Variants in TGIF2 observed in about 807,000 individuals in gnomAD.
TGIF2 encodes homeobox protein TGIF2.
In TGIF2, 5 loss-of-function variants were observed where a neutral mutation model predicts 15.1. The ratio of observed to expected loss-of-function variants is 0.33; its 90% confidence interval spans 0.17 to 0.70. TGIF2 has a LOEUF of 0.70. Among genes scored for constraint, TGIF2 ranks in the 30% least tolerant of loss-of-function variants. The pLI is 0.67. For synonymous variants in TGIF2, 131 were observed against 128.9 expected, an observed-to-expected ratio of 1.02 and a Z score of -0.11; for missense variants, 264 against 302.5, an observed-to-expected ratio of 0.87 and a Z score of 0.94.
chr20:36,577,065 T>C (rs1344745453), intron 1 of TGIF2, among the ~76,000 whole-genome samples: 1 of 152,124 alleles, frequency 6.6e-6, no homozygotes, highest in Non-Finnish European at 1.5e-5. Context: ...CAGGTTGACA[T>C]GCACTGGTGC....
At position 36,593,739 on chromosome 20, in the gene TGIF2, G is replaced by A. The variant is rs2038805574; in HGVS notation, c.*2308G>A. 6.6e-6 allele frequency: 1 copy of A among 152,632 alleles called. No homozygotes were observed. Among genetic ancestry groups the A allele is most frequent in the Non-Finnish European group, 1.5e-5 (1 of 68,084 alleles). 9.5% of individuals were successfully genotyped at this position (152,632 alleles called of 1,614,324 possible). On this transcript the variant is annotated 3_prime_UTR_variant, in exon 3 of 3. Coordinates refer to ENST00000373872, the MANE Select transcript of TGIF2 (RefSeq NM_021809.7). ...CACAGTGCACTGAGCAATGGAGGGT[G>A]GTGAGGGAGCCATGCTGCTGAATTC...
intron 2 of TGIF2, among the ~76,000 whole-genome samples, chr20:36,588,070 TAAAA>T (rs542114970): frequency 7.6e-6 from 1 of 131,902 alleles, no homozygotes. Context: ...ACCCTGTCTT[TAAAA>T]AAAAAAAAAA....
At position 36,578,983 on chromosome 20, in the gene TGIF2, G is replaced by A. The variant is rs772046300; in HGVS notation, c.192+17G>A. On this transcript the variant is annotated intron_variant, in intron 2 of 2. Coordinates refer to ENST00000373872, the MANE Select transcript of TGIF2 (RefSeq NM_021809.7). ...GTGCTGCAAGTAAGGAGGGGATCTG[G>A]ATAAGGGGGTGGCAGGAGGACCTGG... The A allele has an allele frequency of 6.2e-7, 1 of 1,609,004 alleles. No individual in the cohort carries two copies. Among genetic ancestry groups the A allele is most frequent in the Admixed American group, 1.7e-5 (1 of 59,536 alleles).
chr20:36,579,462 C>T (rs543119703), intron 2 of TGIF2, among the ~76,000 whole-genome samples: 10 of 152,216 alleles, frequency 6.6e-5, no homozygotes, highest in South Asian at 2.1e-4. Context: ...TGAGCCACCA[C>T]GCCTGGCCCA....
intron 2 of TGIF2, among the ~76,000 whole-genome samples, chr20:36,579,820 T>C (rs2038508408): frequency 6.6e-6 from 1 of 152,202 alleles, no homozygotes; most frequent in South Asian, 2.1e-4. Flanking sequence ...GATTCAGAAC[T>C]GGATGTGAAA....
At chr20:36,574,173 G>A (rs1473660206) in intron 1 of TGIF2, among the ~76,000 whole-genome samples, 1 of 152,054 alleles carries the variant, frequency 6.6e-6, no homozygotes, top group Non-Finnish European at 1.5e-5. Context: ...AGCTGGGGGT[G>A]GGGGCCGCGG....
At chr20:36,579,971 CG>C (rs1293876792) in intron 2 of TGIF2, among the ~76,000 whole-genome samples, 1 of 152,168 alleles carries the variant, frequency 6.6e-6, no homozygotes, top group Admixed American at 6.6e-5. Flanking sequence ...GGAGCAGAGG[CG>C]GGGGACCCTG....
chr20:36,580,303 T>C (rs1425551994), intron 2 of TGIF2, among the ~76,000 whole-genome samples: 1 of 152,186 alleles, frequency 6.6e-6, no homozygotes, highest in Non-Finnish European at 1.5e-5. Flanking sequence ...CACCTGACTT[T>C]ATACTCTGGG....
At chr20:36,587,170 C>G (rs1249713374) in intron 2 of TGIF2, among the ~76,000 whole-genome samples, 6 of 152,218 alleles carry the variant, frequency 3.9e-5, no homozygotes, top group African/African-American at 1.4e-4. Context: ...CTGGCAGCCA[C>G]TCAGTCCCCC....
chr20:36,584,381 G>A (rs2038609354), intron 2 of TGIF2, among the ~76,000 whole-genome samples: 2 of 152,160 alleles, frequency 1.3e-5, no homozygotes, highest in African/African-American at 4.8e-5. Flanking sequence ...ATAGTGCTTG[G>A]TATCTGGTAG....
chr20:36,588,391 A>C (rs1343115410), intron 2 of TGIF2, among the ~76,000 whole-genome samples: 1 of 85,882 alleles, frequency 1.2e-5, no homozygotes, highest in Non-Finnish European at 2.1e-5. Context: ...TTTGAGATGG[A>C]GTCTTGCTTT....
rs998173848 is a variant in TGIF2, at chr20:36,585,465, TAA to T, written c.193-5423_193-5422del. Among the ~76,000 whole-genome samples, 641 of 104,056 alleles carry T rather than the reference TAA, an allele frequency of 6.2e-3. 3 individuals carry two copies. The highest frequency in any genetic ancestry group is 0.022 in the African/African-American group (610 of 27,534). The allele number at this position is 104,056 out of a possible 152,430, so 68.3% of individuals were successfully genotyped here. On this transcript the variant is annotated intron_variant, in intron 2 of 2. Coordinates refer to ENST00000373872, the MANE Select transcript of TGIF2 (RefSeq NM_021809.7). The stretch of plus-strand genomic sequence containing the variant: ...GGTCTACAGAACGGGACTCTGTCTT[TAA>T]AAAAAAAAAAAAAAAAAAAAACTCC...
chr20:36,574,088 T>A (rs1158458273), intron 1 of TGIF2, among the ~76,000 whole-genome samples: 1 of 150,378 alleles, frequency 6.6e-6, no homozygotes, highest in African/African-American at 2.4e-5. Flanking sequence ...TTTGTTTGGT[T>A]TCAAAAGTGC....
intron 2 of TGIF2, among the ~76,000 whole-genome samples, chr20:36,583,040 C>A (rs1048616384): frequency 6.6e-6 from 1 of 152,178 alleles, no homozygotes; most frequent in East Asian, 1.9e-4. Context: ...CTTTGGGAGG[C>A]TGAGGCAGGC....
At chr20:36,587,034 A>G (rs556469632) in intron 2 of TGIF2, among the ~76,000 whole-genome samples, 1 of 152,102 alleles carries the variant, frequency 6.6e-6, no homozygotes, top group South Asian at 2.1e-4. Flanking sequence ...TTTGCCATAT[A>G]CATCACAGAG....
chr20:36,578,370 G>A (rs1376616438), intron 1 of TGIF2, among the ~76,000 whole-genome samples: 2 of 150,410 alleles, frequency 1.3e-5, no homozygotes, highest in Non-Finnish European at 3.0e-5. Flanking sequence ...CCAAGATGGC[G>A]CCACTGCACT....
intron 2 of TGIF2, among the ~76,000 whole-genome samples, chr20:36,584,394 A>C (rs956587087): frequency 6.6e-6 from 1 of 152,186 alleles, no homozygotes; most frequent in Non-Finnish European, 1.5e-5. Context: ...TCTGGTAGGT[A>C]GGTGCTCAGT....
In TGIF2 at chr20:36,591,948, T is replaced by C. The variant is rs1458046529; in HGVS notation, c.*517T>C. The stretch of plus-strand genomic sequence containing the variant: ...ACTGTTTTCTTTTTCCCTTTTTTGC[T>C]GTGGTTTGCATTCACGGCAGTAGTT... On this transcript the variant is annotated 3_prime_UTR_variant, in exon 3 of 3. Coordinates refer to ENST00000373872, the MANE Select transcript of TGIF2 (RefSeq NM_021809.7). The surrounding 1 kb of genome is among the most constrained non-coding windows in gnomAD (Gnocchi z 5.3). 6.5e-6 allele frequency: 1 copy of C among 154,176 alleles called. No homozygotes were observed. Among genetic ancestry groups the C allele is most frequent in the East Asian group, 1.9e-4 (1 of 5,224 alleles). The allele number at this position is 154,176 out of a possible 1,614,324, so 9.6% of individuals were successfully genotyped here.
At chr20:36,580,832 A>C (rs1210324497) in intron 2 of TGIF2, among the ~76,000 whole-genome samples, 1 of 149,652 alleles carries the variant, frequency 6.7e-6, no homozygotes, top group African/African-American at 2.5e-5. Context: ...AAAAAAAAAA[A>C]AAAAAAACAA....
Sources: gnomAD v4.1 joint callset for allele counts (sites outside exome capture counted in the v4.1 genomes callset) on GRCh38, gnomAD v4.1.1 for gene constraint, Gnocchi (gnomAD v3.1) non-coding constraint, MANE v1.5 for transcripts, NCBI Gene and HGNC (gene_info 2026-07-23, HGNC 2026-07-21) for gene names.